Variants in CTNNA3 observed in about 807,000 individuals in gnomAD.
CTNNA3 encodes the protein catenin alpha-3.
CTNNA3 carries 76 observed loss-of-function variants against 95.7 expected under a neutral mutation model. The ratio of observed to expected loss-of-function variants is 0.79; its 90% confidence interval spans 0.66 to 0.96. CTNNA3 has a LOEUF of 0.96. Ranked by LOEUF, CTNNA3 falls within the 40% of genes least tolerant of loss-of-function variation. The pLI, the probability that CTNNA3 is intolerant of heterozygous loss-of-function variation, is 0.00. For missense variants in CTNNA3, 1,191 were observed against 1,089.8 expected, an observed-to-expected ratio of 1.09 and a Z score of -1.31; for synonymous variants, 431 against 374.4, an observed-to-expected ratio of 1.15 and a Z score of -1.74.
chr10:66,346,068 C>G (rs1314330404), intron 12 of CTNNA3, among the ~76,000 whole-genome samples: 3 of 84,632 alleles, frequency 3.5e-5, no homozygotes, highest in Non-Finnish European at 4.6e-5. Context: ...CAGAGAGAGA[C>G]TCCATCTCAA....
At position 67,564,010 on chromosome 10, in the gene CTNNA3, T is replaced by C. The variant is rs552653892; in HGVS notation, c.293-24341A>G. Among the ~76,000 whole-genome samples the C allele has an allele frequency of 4.7e-5, 7 of 148,904 alleles. 1 individual carries two copies. The highest frequency in any genetic ancestry group is 1.0e-4 in the Non-Finnish European group (7 of 67,436). ...AGGAAACAACAGGTGCTGGAGAGGA[T>C]GTGGAGAAATAGGAACACTTTAACA... On this transcript the variant is annotated intron_variant, in intron 3 of 17. Coordinates refer to ENST00000433211, the MANE Select transcript of CTNNA3 (RefSeq NM_013266.4).
At chr10:66,159,215 TGG>T (rs2084709664) in intron 13 of CTNNA3, among the ~76,000 whole-genome samples, 2 of 151,978 alleles carry the variant, frequency 1.3e-5, no homozygotes, top group African/African-American at 4.8e-5. Flanking sequence ...GTGGTGAGAG[TGG>T]GCACGCTTGT....
At chr10:67,352,085 G>A (rs763150111) in intron 5 of CTNNA3, among the ~76,000 whole-genome samples, 57 of 151,930 alleles carry the variant, frequency 3.8e-4, no homozygotes, top group Non-Finnish European at 6.6e-4. Flanking sequence ...CAAACTAGCA[G>A]GGGATAGAGA....
At chr10:66,406,125 G>C (rs1411372172) in intron 11 of CTNNA3, among the ~76,000 whole-genome samples, 1 of 152,078 alleles carries the variant, frequency 6.6e-6, no homozygotes, top group African/African-American at 2.4e-5. Flanking sequence ...ATGAAAAAAG[G>C]GATCTGAGAA....
intron 7 of CTNNA3, among the ~76,000 whole-genome samples, chr10:67,119,400 T>TA (rs978587559): frequency 3.8e-4 from 58 of 151,634 alleles, no homozygotes; most frequent in East Asian, 1.5e-3. Flanking sequence ...CTACCGGAGA[T>TA]AAAAAAAACA....
chr10:66,416,224 A>G (rs2093144723), intron 11 of CTNNA3, among the ~76,000 whole-genome samples: 1 of 152,100 alleles, frequency 6.6e-6, no homozygotes, highest in Admixed American at 6.6e-5. Context: ...AAATAATTTC[A>G]CAACTTGATG....
intron 1 of CTNNA3, among the ~76,000 whole-genome samples, chr10:67,701,769 A>G (rs1378136161): frequency 6.6e-6 from 1 of 152,046 alleles, no homozygotes; most frequent in African/African-American, 2.4e-5. Context: ...AAATTCACAC[A>G]TAACAATATT....
intron 5 of CTNNA3, among the ~76,000 whole-genome samples, chr10:67,473,961 C>CT (rs1207511939): frequency 6.6e-6 from 1 of 152,090 alleles, no homozygotes; most frequent in Non-Finnish European, 1.5e-5. Flanking sequence ...CAACTTCTGA[C>CT]TTTTTTTCCT....
chr10:65,996,049 G>T (rs1370140754), intron 15 of CTNNA3, among the ~76,000 whole-genome samples: 1 of 152,214 alleles, frequency 6.6e-6, no homozygotes, highest in Non-Finnish European at 1.5e-5. Flanking sequence ...CCATCCTCAA[G>T]GCACGTGCAA....
chr10:66,125,454 G>T (rs1326751215), intron 13 of CTNNA3, among the ~76,000 whole-genome samples: 1 of 151,854 alleles, frequency 6.6e-6, no homozygotes, highest in African/African-American at 2.4e-5. Context: ...AGTTTTTTAA[G>T]AAAAGTATAA....
chr10:66,706,196 TAAAC>T (rs1380063686), intron 9 of CTNNA3, among the ~76,000 whole-genome samples: 2 of 152,018 alleles, frequency 1.3e-5, no homozygotes, highest in Non-Finnish European at 2.9e-5. Context: ...TCTATCCAAA[TAAAC>T]CAGTTGTCCT....
chr10:66,391,858 T>A (rs77679051), intron 11 of CTNNA3, among the ~76,000 whole-genome samples: 1 of 151,958 alleles, frequency 6.6e-6, no homozygotes, highest in African/African-American at 2.4e-5. Context: ...CCATAGACTG[T>A]ACACCTTGAC....
At chr10:66,644,268 G>C (rs61867520) in intron 9 of CTNNA3, among the ~76,000 whole-genome samples, 4 of 120,670 alleles carry the variant, frequency 3.3e-5, no homozygotes, top group African/African-American at 1.1e-4. Context: ...CTCTCTGTCT[G>C]TCTGTCTGTC....
chr10:66,970,654 G>GA lies in CTNNA3; in HGVS notation c.1048-195131dup, dbSNP rs559042118. Among the ~76,000 whole-genome samples, 17 of 152,196 alleles carry GA rather than the reference G, an allele frequency of 1.1e-4. No homozygotes were observed. The East Asian group carries it at 3.3e-3, about 29-fold the overall frequency. Reference sequence around the variant, plus strand: ...CTCAAATATCCATGAAATATAACCAGAAAATCTGCATCTACATAATGACAC... The same window carrying GA: ...CTCAAATATCCATGAAATATAACCAGAAAAATCTGCATCTACATAATGACAC... On this transcript the variant is annotated intron_variant, in intron 7 of 17. Transcript: ENST00000433211.
intron 3 of CTNNA3, among the ~76,000 whole-genome samples, chr10:67,580,065 C>T (rs1171086088): frequency 1.3e-5 from 2 of 152,142 alleles, no homozygotes; most frequent in Non-Finnish European, 2.9e-5. Context: ...TTAATTAGAT[C>T]CCATTTGTCA....
chr10:67,747,868 AG>A, intron 1 of CTNNA3, among the ~76,000 whole-genome samples: 1 of 152,212 alleles, frequency 6.6e-6, no homozygotes. Context: ...CCATGATAAA[AG>A]GTTACAGGAG....
intron 5 of CTNNA3, among the ~76,000 whole-genome samples, chr10:67,419,708 A>G (rs913291553): frequency 2.0e-5 from 3 of 152,238 alleles, no homozygotes; most frequent in Admixed American, 1.3e-4. Flanking sequence ...TTCCCTTGCC[A>G]GGGAACATAC....
chr10:66,360,767 C>T (rs201555444), intron 12 of CTNNA3, among the ~76,000 whole-genome samples: 940 of 71,520 alleles, frequency 0.013, 115 homozygotes, highest in Middle Eastern at 0.035. Flanking sequence ...TTCCTTCCTT[C>T]CTTTTCTTTC....
intron 6 of CTNNA3, among the ~76,000 whole-genome samples, chr10:67,199,451 C>T (rs528405113): frequency 2.0e-4 from 31 of 152,174 alleles, no homozygotes; most frequent in Middle Eastern, 6.8e-3. Context: ...CTCTCTGCAA[C>T]CTCCGCCTCC....
Sources: allele counts gnomAD v4.1 joint callset (sites outside exome capture counted in the v4.1 genomes callset), GRCh38; gene constraint gnomAD v4.1.1; transcripts MANE v1.5; gene names NCBI Gene and HGNC (gene_info 2026-07-23, HGNC 2026-07-21).